Variants in KCNT2 observed in about 807,000 individuals in gnomAD.
KCNT2 encodes the protein potassium sodium-activated channel subfamily T member 2.
Under a neutral mutation model 153.8 loss-of-function variants are expected in KCNT2, and 67 were observed. The ratio of observed to expected loss-of-function variants is 0.44; its 90% CI spans 0.36 to 0.53. The LOEUF (loss-of-function observed/expected upper bound fraction) is 0.53, where lower values mean the gene tolerates loss of function less well. KCNT2 is among the 20% of genes least tolerant of loss of function. The pLI is 0.00. For synonymous variants in KCNT2, 500 were observed against 458.8 expected, an observed-to-expected ratio of 1.09 and a Z score of -1.15; for missense variants, 975 against 1,354.8, an observed-to-expected ratio of 0.72 and a Z score of 4.40.
At chr1:196,235,293 T>C (rs1654330309) in intron 27 of KCNT2, among the ~76,000 whole-genome samples, 1 of 151,376 alleles carries the variant, frequency 6.6e-6, no homozygotes, top group Admixed American at 6.6e-5. Context: ...CTATCTACCC[T>C]TCAGAGTCTA....
chr1:196,340,052 T>TGGACACAGA (rs1665467067), intron 16 of KCNT2, among the ~76,000 whole-genome samples: 1 of 152,040 alleles, frequency 6.6e-6, no homozygotes, highest in Admixed American at 6.6e-5. Flanking sequence ...AGTCTTTTTC[T>TGGACACAGA]GTTGCCCAGG....
Position 196,407,827 on chromosome 1 carries a change from C to T in KCNT2, c.1186-9156G>A, listed in dbSNP as rs557428542. ...TGACATTTAAGAGGAAAGTCAGCAG[C>T]ATGAGCCGGGAATAAAAACAATTTT... On this transcript the variant is annotated intron_variant, in intron 12 of 27. Coordinates refer to ENST00000294725, the MANE Select transcript of KCNT2 (RefSeq NM_198503.5). Among the ~76,000 whole-genome samples, 9 of 149,052 alleles carry T rather than the reference C, an allele frequency of 6.0e-5. No individual in the cohort carries two copies. In the East Asian group the frequency reaches 1.8e-3, roughly 30 times the overall value.
chr1:196,329,397 T>C (rs1664213928), intron 18 of KCNT2, among the ~76,000 whole-genome samples: 4 of 152,172 alleles, frequency 2.6e-5, no homozygotes, highest in East Asian at 1.9e-4. Flanking sequence ...TCCTTTGATA[T>C]TAAAATATCC....
chr1:196,273,014 T>C (rs1156769638), intron 25 of KCNT2, among the ~76,000 whole-genome samples: 3 of 151,836 alleles, frequency 2.0e-5, no homozygotes, highest in African/African-American at 4.8e-5. Flanking sequence ...CATGGTTAAG[T>C]AAAACATCTT....
chr1:196,423,970 G>A (rs556926953), intron 11 of KCNT2, among the ~76,000 whole-genome samples: 1 of 151,886 alleles, frequency 6.6e-6, no homozygotes, highest in Non-Finnish European at 1.5e-5. Flanking sequence ...ACTGAAAAAT[G>A]TATTAGTTTA....
At chr1:196,541,228 G>T (rs1034098363) in intron 1 of KCNT2, among the ~76,000 whole-genome samples, 1 of 151,170 alleles carries the variant, frequency 6.6e-6, no homozygotes, top group African/African-American at 2.4e-5. Context: ...CGAAACCAAA[G>T]AAGTCAGTAA....
intron 26 of KCNT2, among the ~76,000 whole-genome samples, chr1:196,244,788 G>A (rs1235107169): frequency 6.6e-6 from 1 of 152,090 alleles, no homozygotes; most frequent in African/African-American, 2.4e-5. Flanking sequence ...CCACCCTGAA[G>A]GGAGGAAAAA....
chr1:196,264,285 G>T (rs1489385721), intron 25 of KCNT2, among the ~76,000 whole-genome samples: 1 of 152,050 alleles, frequency 6.6e-6, no homozygotes, highest in African/African-American at 2.4e-5. Context: ...ATTGAGAGGG[G>T]ACTTTTTCAT....
intron 14 of KCNT2, among the ~76,000 whole-genome samples, chr1:196,352,442 A>T (rs1225806989): frequency 1.3e-5 from 2 of 152,012 alleles, no homozygotes; most frequent in Non-Finnish European, 2.9e-5. Flanking sequence ...GGGAGAGTGT[A>T]TGTGTCAAGG....
intron 14 of KCNT2, among the ~76,000 whole-genome samples, chr1:196,351,590 TAAG>T (rs1666703926): frequency 1.3e-5 from 2 of 152,066 alleles, no homozygotes; most frequent in African/African-American, 4.8e-5. Context: ...CTTATCAGCT[TAAG>T]GAGATTTTGG....
rs188444889 is a variant in KCNT2 at position 196,577,794 on chromosome 1, C to T, written c.95+30421G>A. 1.9e-3 allele frequency among the ~76,000 whole-genome samples: 282 copies of T among 152,232 alleles called. 1 individual carries two copies. The highest frequency in any genetic ancestry group is 6.6e-3 in the African/African-American group (276 of 41,558). Reference sequence around the variant, plus strand: ...AAAAGCAAGACCTAAAAGGATCAAACTGTCTCCAAATATTCTAAAACAAAG... The same window carrying T: ...AAAAGCAAGACCTAAAAGGATCAAATTGTCTCCAAATATTCTAAAACAAAG... On this transcript the variant is annotated intron_variant, in intron 1 of 27. Coordinates refer to ENST00000294725, the MANE Select transcript of KCNT2 (RefSeq NM_198503.5).
chr1:196,515,546 A>G (rs1327926554), intron 1 of KCNT2, among the ~76,000 whole-genome samples: 4 of 152,218 alleles, frequency 2.6e-5, no homozygotes, highest in Admixed American at 6.5e-5. Flanking sequence ...TAACTGTAGA[A>G]GAACTTTGTG....
chr1:196,469,938 T>C (rs1257070334), intron 5 of KCNT2, among the ~76,000 whole-genome samples: 6 of 152,188 alleles, frequency 3.9e-5, no homozygotes, highest in Non-Finnish European at 8.8e-5. Flanking sequence ...ACACTGACTA[T>C]AAAATTGGGA....
intron 8 of KCNT2, among the ~76,000 whole-genome samples, chr1:196,456,060 G>T (rs1676643379): frequency 6.6e-6 from 1 of 151,970 alleles, no homozygotes; most frequent in Non-Finnish European, 1.5e-5. Flanking sequence ...CTAGTCTCAG[G>T]CTCTCCAGTT....
intron 8 of KCNT2, among the ~76,000 whole-genome samples, chr1:196,433,335 T>C (rs1296428098): frequency 6.6e-6 from 1 of 152,114 alleles, no homozygotes; most frequent in Non-Finnish European, 1.5e-5. Context: ...AGCCAAGTTC[T>C]GGATAAACAG....
At chr1:196,545,442 C>T (rs1240667730) in intron 1 of KCNT2, among the ~76,000 whole-genome samples, 3 of 151,960 alleles carry the variant, frequency 2.0e-5, no homozygotes, top group Non-Finnish European at 2.9e-5. Context: ...GAAGACATGA[C>T]CTTGAGGAAA....
chr1:196,574,088 A>C (rs867825855), intron 1 of KCNT2, among the ~76,000 whole-genome samples: 2 of 152,020 alleles, frequency 1.3e-5, no homozygotes, highest in Non-Finnish European at 2.9e-5. Context: ...ACATGGTCTT[A>C]ATTAAATCAT....
chr1:196,336,952 G>A (rs936708459), intron 16 of KCNT2, among the ~76,000 whole-genome samples: 6 of 152,048 alleles, frequency 3.9e-5, no homozygotes, highest in Non-Finnish European at 7.4e-5. Flanking sequence ...ATACTGCAGA[G>A]CTTTGTCTTT....
chr1:196,425,349 G>C (rs984382007), intron 11 of KCNT2, among the ~76,000 whole-genome samples: 6 of 151,916 alleles, frequency 3.9e-5, no homozygotes, highest in Non-Finnish European at 5.9e-5. Flanking sequence ...GATTCCTCTA[G>C]TCCATGGCAA....
Sources: gnomAD v4.1 joint callset for allele counts (sites outside exome capture counted in the v4.1 genomes callset) on GRCh38, gnomAD v4.1.1 for gene constraint, MANE v1.5 for transcripts, NCBI Gene and HGNC (gene_info 2026-07-23, HGNC 2026-07-21) for gene names.